LHX8: variants seen among roughly 807,000 people sequenced by gnomAD.
LHX8 encodes the protein LIM/homeobox protein Lhx8.
In LHX8, 12 loss-of-function variants were observed where a neutral mutation model predicts 40.3. The observed-to-expected ratio is 0.30, with a 90% CI of 0.19 to 0.48. LHX8 has a LOEUF of 0.48. Ranked by LOEUF, LHX8 falls within the 20% of genes least tolerant of loss-of-function variation. The pLI is 0.99. For synonymous variants in LHX8, 179 were observed against 162.0 expected (o/e 1.10, Z -0.80); for missense variants, 344 against 433.7 (o/e 0.79, Z 1.84).
At chr1:75,158,406 C>A (rs1189409298) in intron 8 of LHX8, among the ~76,000 whole-genome samples, 2 of 152,078 alleles carry the variant, frequency 1.3e-5, no homozygotes, top group Non-Finnish European at 2.9e-5. Context: ...TAGTTTATTT[C>A]ATCATTTTTC....
At chr1:75,145,687 G>T (rs1462085355) in intron 6 of LHX8, among the ~76,000 whole-genome samples, 1 of 152,064 alleles carries the variant, frequency 6.6e-6, no homozygotes, top group Non-Finnish European at 1.5e-5. Context: ...CATTTTGCTT[G>T]ATCTTCCAGG....
the LHX8 span, among the ~76,000 whole-genome samples, chr1:75,186,640 C>G: frequency 1.3e-5 from 2 of 152,134 alleles, no homozygotes; most frequent in South Asian, 4.1e-4. Flanking sequence ...GTCACCACAG[C>G]AAGGTCCTTC....
chr1:75,168,703 C>A, the LHX8 span, among the ~76,000 whole-genome samples: 1 of 152,192 alleles, frequency 6.6e-6, no homozygotes, highest in Non-Finnish European at 1.5e-5. Context: ...GCTATGACCA[C>A]AGCTCACTGT....
downstream of LHX8, among the ~76,000 whole-genome samples, chr1:75,162,439 C>T (rs1373529699): frequency 6.6e-6 from 1 of 152,154 alleles, no homozygotes; most frequent in African/African-American, 2.4e-5. Context: ...CCAAGCTCTG[C>T]ACTGTTAGCA....
chr1:75,168,228 G>C, the LHX8 span, among the ~76,000 whole-genome samples: 1 of 152,082 alleles, frequency 6.6e-6, no homozygotes, highest in Non-Finnish European at 1.5e-5. Flanking sequence ...TTTTCTGTTT[G>C]TTTGTTTGTT....
upstream of LHX8, chr1:75,131,150 C>T: frequency 1.3e-5 from 4 of 307,236 alleles, no homozygotes; most frequent in Admixed American, 4.0e-5. Context: ...CACGTTTTCT[C>T]TCAGGCTCCA....
At chr1:75,131,191 G>A (rs1647950587), upstream of LHX8, 2 of 202,926 alleles carry the variant, frequency 9.9e-6, no homozygotes, top group Non-Finnish European at 2.1e-5. Flanking sequence ...CCACAGGTCT[G>A]ACCCAGGCGA....
At chr1:75,130,731 G>C, upstream of LHX8, 1 of 1,614,098 alleles carries the variant, frequency 6.2e-7, no homozygotes, top group Non-Finnish European at 8.5e-7. Flanking sequence ...ATTCTGAGCA[G>C]GGTAAGTTTG....
chr1:75,139,662 T>C (rs1310843395), intron 3 of LHX8, among the ~76,000 whole-genome samples: 1 of 152,204 alleles, frequency 6.6e-6, no homozygotes, highest in Non-Finnish European at 1.5e-5. Context: ...GTTTTCATTA[T>C]TTTAAATATT....
the LHX8 span, among the ~76,000 whole-genome samples, chr1:75,167,281 A>G: frequency 1.3e-5 from 2 of 152,218 alleles, no homozygotes; most frequent in African/African-American, 2.4e-5. Flanking sequence ...CATATGCAAA[A>G]TGGACTAATA....
At chr1:75,133,725 CAGTCAGAACTTG>C (rs1403913106), upstream of LHX8, among the ~76,000 whole-genome samples, 2 of 152,332 alleles carry the variant, frequency 1.3e-5, no homozygotes, top group Admixed American at 1.3e-4. Flanking sequence ...CCCCGCCCCG[CAGTCAGAACTTG>C]AGGCAGAAGA....
rs149422695 is a variant in LHX8 at position 75,137,237 on chromosome 1, G to A, written c.213G>A (p.Glu71=). Residue 71 remains glutamate (E), a synonymous_variant, in exon 3 of 9, where the codon GAG becomes GAA. Coordinates refer to ENST00000356261, the MANE Select transcript of LHX8 (RefSeq NM_001256114.2). Reference sequence around the variant, plus strand: ...GTGTGTGCAACAGTTGCGGCCTGGAGATCGTGGACAAATACCTTCTCAAGG... The same window carrying A: ...GTGTGTGCAACAGTTGCGGCCTGGAAATCGTGGACAAATACCTTCTCAAGG... ...GKCVCNSCGL[E]IVDKYLLKVN... is the part of the protein sequence containing the mutation. 1.0e-4 allele frequency: 169 copies of A among 1,613,688 alleles called. No individual in the cohort carries two copies. In the African/African-American group the frequency reaches 2.1e-3, roughly 20 times the overall value.
At chr1:75,149,786 A>G (rs1433788334) in intron 7 of LHX8, among the ~76,000 whole-genome samples, 1 of 152,094 alleles carries the variant, frequency 6.6e-6, no homozygotes, top group Non-Finnish European at 1.5e-5. Flanking sequence ...GACTCAAGTA[A>G]TCCTCCTCCC....
the LHX8 span, among the ~76,000 whole-genome samples, chr1:75,166,889 C>T: frequency 2.6e-4 from 40 of 152,152 alleles, no homozygotes; most frequent in Admixed American, 3.3e-4. Flanking sequence ...AGAATGAGGG[C>T]GATGAGACAG....
At position 75,156,931 on chromosome 1, in the gene LHX8, C is replaced by T. The variant is rs941032; in HGVS notation, c.819C>T (p.His273=). 0.42 allele frequency: 681,991 copies of T among 1,613,696 alleles called. 147,381 individuals are homozygous for T. Among genetic ancestry groups the T allele is most frequent in the South Asian group, 0.53 (47,959 of 91,074 alleles). ...FQNCRARHKK[H]VSPNHSSSTP... is the part of the protein sequence containing the mutation. ...ATTGTAGAGCACGCCACAAGAAACA[C>T]GTCAGTCCTAATCACTCATCCTCCA... is the stretch of plus-strand genomic sequence containing the variant. The change falls in exon 8 of 9, where the codon CAC becomes CAT. Residue 273 remains histidine, a synonymous_variant. Coordinates refer to ENST00000356261, the MANE Select transcript of LHX8 (RefSeq NM_001256114.2).
chr1:75,128,526 C>T (rs1647884363), exon 1 of LHX8: 1 of 152,158 alleles, frequency 6.6e-6, no homozygotes, highest in Non-Finnish European at 1.5e-5. Flanking sequence ...TCTGAACTCA[C>T]CCTAAAGAGG....
intron 1 of LHX8, 90 bp downstream of exon 1, chr1:75,135,044 G>A: frequency 1.9e-6 from 1 of 522,192 alleles, no homozygotes; most frequent in Non-Finnish European, 2.5e-6. Context: ...GGGTGGAACC[G>A]GAGACCTGGC....
chr1:75,183,473 A>G, the LHX8 span, among the ~76,000 whole-genome samples: 2 of 148,504 alleles, frequency 1.3e-5, no homozygotes, highest in Admixed American at 1.3e-4. Context: ...GAGCCTATAT[A>G]ATGTTCTTAA....
At chr1:75,153,537 G>A (rs1169360644) in intron 7 of LHX8, among the ~76,000 whole-genome samples, 1 of 151,512 alleles carries the variant, frequency 6.6e-6, no homozygotes, top group Non-Finnish European at 1.5e-5. Flanking sequence ...TCAGCCTCTC[G>A]AGCAGCTGGG....
Sources: gnomAD v4.1 joint callset for allele counts (sites outside exome capture counted in the v4.1 genomes callset) on GRCh38, gnomAD v4.1.1 for gene constraint, MANE v1.5 for transcripts, NCBI Gene and HGNC (gene_info 2026-07-23, HGNC 2026-07-21) for gene names.